CTPS1: variants seen among roughly 807,000 people sequenced by gnomAD.
CTPS1 encodes CTP synthetase 1.
A neutral mutation model predicts 80.5 loss-of-function variants in CTPS1; 25 were observed. That is an observed-to-expected ratio of 0.31 (90% CI 0.23 to 0.43). The LOEUF (loss-of-function observed/expected upper bound fraction) is 0.43, where lower values mean the gene tolerates loss of function less well. CTPS1 is among the 20% of genes least tolerant of loss of function. The probability of loss-of-function intolerance (pLI) is 1.00; values close to 1 mark genes in which losing one functional copy is unlikely to be tolerated. For synonymous variants in CTPS1, 267 were observed against 252.5 expected, an observed-to-expected ratio of 1.06 and a Z score of -0.54; for missense variants, 442 against 725.7, an observed-to-expected ratio of 0.61 and a Z score of 4.49.
At position 41,008,633 on chromosome 1, in the gene CTPS1, T is replaced by C. The variant is rs370359490; in HGVS notation, c.1394-26T>C. 7 of 1,613,274 alleles carry C rather than the reference T, an allele frequency of 4.3e-6. No homozygotes were observed. In the African/African-American group the frequency reaches 8.0e-5, roughly 18 times the overall value. On this transcript the variant is annotated intron_variant, in intron 14 of 18. Coordinates refer to ENST00000650070, the MANE Select transcript of CTPS1 (RefSeq NM_001905.4). The stretch of plus-strand genomic sequence containing the variant: ...CATCATCCTGTGAGATAAAGTTCTT[T>C]ACATACAGCCCGTTTGTTTTGCCAG...
In CTPS1 at chr1:40,988,591, T is replaced by C. The variant is rs1189411380; in HGVS notation, c.439-3T>C. 5.6e-6 allele frequency: 9 copies of C among 1,610,266 alleles called. No individual in the cohort carries two copies. In the East Asian group the frequency reaches 1.8e-4, roughly 32 times the overall value. On this transcript the variant is annotated splice_polypyrimidine_tract_variant and splice_region_variant and intron_variant, in intron 4 of 18. Transcript: ENST00000650070. Reference sequence around the variant, plus strand: ...AACCTCTGAAACAACTTTGTTCTTCTAGCTTGGTGGAACCGTGGGGGACAT... The same window carrying C: ...AACCTCTGAAACAACTTTGTTCTTCCAGCTTGGTGGAACCGTGGGGGACAT...
chr1:40,983,437 A>T lies in CTPS1; in HGVS notation c.147A>T (p.Thr49=). 6.2e-7 allele frequency: 1 copy of T among 1,613,358 alleles called. No individual in the cohort carries two copies. Among genetic ancestry groups the T allele is most frequent in the East Asian group, 2.2e-5 (1 of 44,850 alleles). The change falls in exon 2 of 19, where the codon ACA becomes ACT. Residue 49 remains threonine, a synonymous_variant. Transcript: ENST00000650070. ...CCTACATTAACATTGATGCAGGAAC[A>T]TTCTCTCCTTATGAGCATGGTAAGC... is the stretch of plus-strand genomic sequence containing the variant. ...IDPYINIDAG[T]FSPYEHGEVF...
chr1:40,997,205 A>C (rs776394167), intron 8 of CTPS1, 189 bp from the exon 9 acceptor site: 8 of 598,172 alleles, frequency 1.3e-5, no homozygotes, highest in Non-Finnish European at 2.0e-5. Context: ...CAGTCAGCTC[A>C]CTGTAACCTC....
At chr1:40,999,386 T>A (rs1642841808) in intron 9 of CTPS1, among the ~76,000 whole-genome samples, 1 of 151,986 alleles carries the variant, frequency 6.6e-6, no homozygotes, top group Non-Finnish European at 1.5e-5. Context: ...GGTAGGAGAT[T>A]GTAGAAAAGT....
chr1:40,980,669 C>T (rs930588386), intron 1 of CTPS1: 4 of 152,398 alleles, frequency 2.6e-5, no homozygotes, highest in African/African-American at 4.8e-5. Flanking sequence ...GCATTTCCCC[C>T]CTCAGTCTTT....
chr1:41,010,931 G>T (rs1643156647), intron 18 of CTPS1, among the ~76,000 whole-genome samples: 1 of 152,220 alleles, frequency 6.6e-6, no homozygotes, highest in Admixed American at 6.5e-5. Context: ...TACGCATTCT[G>T]CTGGTGAGGT....
Position 41,007,417 on chromosome 1 carries a change from G to A in CTPS1, c.1297-32G>A, listed in dbSNP as rs1643061001. The A allele has an allele frequency of 6.3e-7, 1 of 1,596,444 alleles. No homozygotes were observed. The highest frequency in any genetic ancestry group is 8.6e-7 in the Non-Finnish European group (1 of 1,164,478). On this transcript the variant is annotated intron_variant, in intron 13 of 18. Transcript: ENST00000650070. This position sits in a 1 kb window ranked among gnomAD's most constrained non-coding sequence, Gnocchi z 4.4. ...TTCTCTCTAGCGGAAGCAGAGTTCT[G>A]TAGTTGGTGTCTGTTTTCTGAACAT...
chr1:40,987,415 A>G lies in CTPS1; in HGVS notation c.381A>G (p.Arg127=). 6.2e-7 allele frequency: 1 copy of G among 1,614,110 alleles called. No individual in the cohort carries two copies. Among genetic ancestry groups the G allele is most frequent in the Non-Finnish European group, 8.5e-7 (1 of 1,180,000 alleles). Reference sequence around the variant, plus strand: ...ATGCAATCCAGGAGTGGGTGATGAGACAGGCGTTAATACCTGTAGATGAAG... The same window carrying G: ...ATGCAATCCAGGAGTGGGTGATGAGGCAGGCGTTAATACCTGTAGATGAAG... ...ITDAIQEWVM[R]QALIPVDEDG... The change falls in exon 4 of 19, where the codon AGA becomes AGG. Residue 127 remains arginine (R), a synonymous_variant. Coordinates refer to ENST00000650070, the MANE Select transcript of CTPS1 (RefSeq NM_001905.4).
chr1:41,008,589 G>A, intron 14 of CTPS1, 70 bp from the exon 15 acceptor site: 1 of 1,494,956 alleles, frequency 6.7e-7, no homozygotes, highest in Non-Finnish European at 9.3e-7. Flanking sequence ...AAGCAGGAAG[G>A]AGGATGTCTT....
At chr1:40,980,254 C>T (rs977135047) in intron 1 of CTPS1, 2 of 152,004 alleles carry the variant, frequency 1.3e-5, no homozygotes, top group Admixed American at 6.6e-5. Context: ...CCGGCAGTCG[C>T]CCATCCATTC....
chr1:40,981,889 G>A, intron 1 of CTPS1: 1 of 883,906 alleles, frequency 1.1e-6, no homozygotes, highest in Non-Finnish European at 1.6e-6. Context: ...GCGGGGGAAT[G>A]CTTCGAGCAC....
At chr1:41,003,533 T>C (rs1254053496) in intron 12 of CTPS1, among the ~76,000 whole-genome samples, 1 of 152,214 alleles carries the variant, frequency 6.6e-6, no homozygotes, top group Non-Finnish European at 1.5e-5. Flanking sequence ...TCTGGAGCTA[T>C]TGAAACTGGG....
At chr1:40,982,226 G>A (rs1306950854) in intron 1 of CTPS1, among the ~76,000 whole-genome samples, 4 of 151,834 alleles carry the variant, frequency 2.6e-5, no homozygotes, top group African/African-American at 9.7e-5. Context: ...CTGCTTTTTG[G>A]ATTTAATCTC....
At chr1:40,988,159 C>G (rs1010886535) in intron 4 of CTPS1, among the ~76,000 whole-genome samples, 4 of 152,168 alleles carry the variant, frequency 2.6e-5, no homozygotes, top group African/African-American at 9.7e-5. Context: ...AGCCATCTGC[C>G]TGCCTTGGCC....
chr1:40,997,349 T>TGG, intron 8 of CTPS1, 45 bp from the exon 9 acceptor site: 1 of 1,598,758 alleles, frequency 6.3e-7, no homozygotes, highest in East Asian at 2.2e-5. Flanking sequence ...CATGATAGCG[T>TGG]GTACCTTCTG....
chr1:40,994,650 C>T (rs1642706807), intron 7 of CTPS1, among the ~76,000 whole-genome samples: 1 of 152,062 alleles, frequency 6.6e-6, no homozygotes, highest in Admixed American at 6.6e-5. Flanking sequence ...GTGGCAACCG[C>T]TTCTTGTTTT....
Position 40,991,154 on chromosome 1 carries a change from T to A in CTPS1, c.556-11T>A. The A allele has an allele frequency of 6.4e-7, 1 of 1,573,230 alleles. No individual in the cohort carries two copies. The highest frequency in any genetic ancestry group is 8.6e-7 in the Non-Finnish European group (1 of 1,167,434). ...AAACTAACTTTTTTTTTTTTTTCTT[T>A]TGTGAAATAGCCAAGTTCAACAGGG... On this transcript the variant is annotated splice_polypyrimidine_tract_variant and intron_variant, in intron 5 of 18. Transcript: ENST00000650070.
intron 1 of CTPS1, among the ~76,000 whole-genome samples, chr1:40,982,400 C>T (rs11209312): frequency 0.67 from 88,851 of 131,848 alleles, 26,803 homozygotes; most frequent in Admixed American, 0.72. Flanking sequence ...ACTACTTTTT[C>T]TTTTTTTTTG....
rs1570979960 is a variant in CTPS1, at chr1:41,006,212, T to C, written c.1296+118T>C. On this transcript the variant is annotated intron_variant, in intron 13 of 18. Coordinates refer to ENST00000650070, the MANE Select transcript of CTPS1 (RefSeq NM_001905.4). ...TGCTTGAGTCCATCCCAAAGAACCC[T>C]GAGGTTTTGGGCACTCAGACCTACC... The C allele has an allele frequency of 1.5e-5, 13 of 865,522 alleles. No homozygotes were observed. In the East Asian group the frequency reaches 3.3e-4, roughly 22 times the overall value. 53.6% of individuals were successfully genotyped at this position (865,522 alleles called of 1,614,324 possible).
Sources: gnomAD v4.1 joint callset for allele counts (sites outside exome capture counted in the v4.1 genomes callset) on GRCh38, gnomAD v4.1.1 for gene constraint, Gnocchi (gnomAD v3.1) non-coding constraint, MANE v1.5 for transcripts, NCBI Gene and HGNC (gene_info 2026-07-23, HGNC 2026-07-21) for gene names.